The following ANKMY1 variants were observed in gnomAD, a reference collection of about 807,000 sequenced individuals.
The protein encoded by ANKMY1 is ankyrin repeat and MYND domain containing 1.
ANKMY1 carries 98 observed loss-of-function variants against 102.0 expected under a neutral mutation model. The ratio of observed to expected loss-of-function variants is 0.96; its 90% confidence interval spans 0.82 to 1.14. ANKMY1 has a LOEUF of 1.14. Among genes scored for constraint, ANKMY1 ranks in the 50% most tolerant of loss-of-function variants. ANKMY1 has a pLI of 0.00. For missense variants in ANKMY1, 1,330 were observed against 1,347.6 expected, an observed-to-expected ratio of 0.99 and a Z score of 0.20; for synonymous variants, 582 against 559.9, an observed-to-expected ratio of 1.04 and a Z score of -0.56.
At chr2:240,512,115 C>T (rs974471056) in intron 10 of ANKMY1, 114 bp from the exon 11 acceptor site, 7 of 1,293,300 alleles carry the variant, frequency 5.4e-6, no homozygotes, top group Middle Eastern at 1.9e-4. Context: ...TCTCACCCTG[C>T]GAAACCCTCT....
intron 8 of ANKMY1, among the ~76,000 whole-genome samples, chr2:240,521,715 G>A (rs1389209358): frequency 5.3e-5 from 8 of 151,952 alleles, no homozygotes; most frequent in African/African-American, 1.9e-4. Flanking sequence ...AGCCAGGATG[G>A]TCTCCATCTC....
chr2:240,525,901 G>C (rs1443863515), intron 6 of ANKMY1, 52 bp from the exon 7 acceptor site: 1 of 1,592,340 alleles, frequency 6.3e-7, no homozygotes, highest in Non-Finnish European at 8.6e-7. Flanking sequence ...CCTCAGGGGT[G>C]GGAAGGGTCA....
chr2:240,555,109 G>C, intron 2 of ANKMY1, 54 bp from the exon 3 acceptor site: 1 of 1,584,244 alleles, frequency 6.3e-7, no homozygotes, highest in Non-Finnish European at 8.6e-7. Context: ...AGTGCCTTCA[G>C]TGACTGCTGA....
At chr2:240,546,436 G>A (rs1312634151) in intron 4 of ANKMY1, among the ~76,000 whole-genome samples, 2 of 152,152 alleles carry the variant, frequency 1.3e-5, no homozygotes, top group East Asian at 3.8e-4. Flanking sequence ...TTGAGACTAG[G>A]AAGAAACTGC....
At chr2:240,492,506 T>C (rs898241532) in intron 15 of ANKMY1, among the ~76,000 whole-genome samples, 8 of 152,240 alleles carry the variant, frequency 5.3e-5, no homozygotes, top group Admixed American at 1.3e-4. Flanking sequence ...CTATCGTTGA[T>C]GCTTTCAAAT....
rs368853017 is a variant in ANKMY1 at position 240,554,842 on chromosome 2, C to T, written c.336+24G>A. Reference sequence around the variant, plus strand: ...CCACCAGAGGCCCTAGGGGAGGAGGCGGAGAAAGTGTGGAAGCAGTTACCT... The same window carrying T: ...CCACCAGAGGCCCTAGGGGAGGAGGTGGAGAAAGTGTGGAAGCAGTTACCT... On this transcript the variant is annotated intron_variant, in intron 3 of 17. Transcript: ENST00000401804. The T allele has an allele frequency of 5.1e-5, 83 of 1,612,352 alleles. No homozygotes were observed. In the African/African-American group the frequency reaches 5.9e-4, roughly 11 times the overall value.
At chr2:240,508,031 C>G (rs73105925) in intron 12 of ANKMY1, among the ~76,000 whole-genome samples, 36 of 152,382 alleles carry the variant, frequency 2.4e-4, no homozygotes, top group African/African-American at 8.4e-4. Flanking sequence ...CAGCCCCAGA[C>G]AGAGCCAAGC....
In ANKMY1 at chr2:240,520,681, CCA is replaced by C. The variant is rs1265422151; in HGVS notation, c.1833-150_1833-149del. On this transcript the variant is annotated intron_variant, in intron 8 of 17. Transcript: ENST00000401804. The surrounding 1 kb of genome is among the most constrained non-coding windows in gnomAD (Gnocchi z 4.8). The stretch of plus-strand genomic sequence containing the variant: ...ACACAATCACACACACAGCACACAC[CCA>C]CACACGCAGACACACCACACAGCAC... 1 of 1,016,030 alleles carries C rather than the reference CCA, an allele frequency of 9.8e-7. No individual in the cohort carries two copies. Among genetic ancestry groups the C allele is most frequent in the African/African-American group, 1.6e-5 (1 of 61,268 alleles). 62.9% of individuals were successfully genotyped at this position (1,016,030 alleles called of 1,614,324 possible). A position where few individuals can be genotyped will look rare whatever the true frequency, so the allele number is the denominator to read the frequency against.
chr2:240,521,708 C>G (rs531787363), intron 8 of ANKMY1, among the ~76,000 whole-genome samples: 1 of 152,142 alleles, frequency 6.6e-6, no homozygotes, highest in East Asian at 1.9e-4. Flanking sequence ...CCGTGTTAGC[C>G]AGGATGGTCT....
At chr2:240,485,135 T>A (rs868399497) in intron 15 of ANKMY1, among the ~76,000 whole-genome samples, 25 of 152,092 alleles carry the variant, frequency 1.6e-4, no homozygotes, top group South Asian at 1.5e-3. Flanking sequence ...AAGACCATCC[T>A]GGCTAACACA....
chr2:240,560,691 C>A, upstream of ANKMY1: 1 of 1,524,604 alleles, frequency 6.6e-7, no homozygotes, highest in Non-Finnish European at 8.7e-7. Context: ...CGCCATGGGA[C>A]CGGCAGAAGC....
chr2:240,557,753 G>T, intron 1 of ANKMY1, 128 bp downstream of exon 1: 2 of 467,034 alleles, frequency 4.3e-6, no homozygotes, highest in Non-Finnish European at 5.6e-6. Context: ...CTAACCCCAC[G>T]CCCCCAGCCC....
In ANKMY1 at chr2:240,557,326, C is replaced by T; in HGVS notation, c.10G>A (p.Ala4Thr). 6.4e-7 allele frequency: 1 copy of T among 1,566,374 alleles called. No individual in the cohort carries two copies. The highest frequency in any genetic ancestry group is 1.4e-5 in the African/African-American group (1 of 72,902). MEG[A>T]HASLSLEDEV... ...TCCTCTAAGCTAAGGGAGGCATGGG[C>T]CCCTTCCATGTCTGTGGTCTTCCAA... The change falls in exon 2 of 18, where the codon GCC (alanine) becomes ACC (threonine). Residue 4 changes from alanine (A) to threonine (T), a missense_variant. Physicochemically the swap from Ala to Thr is moderately conservative, Grantham distance 58. Transcript: ENST00000401804.
At chr2:240,513,083 C>T (rs1290258940) in intron 9 of ANKMY1, 141 bp from the exon 10 acceptor site, 2 of 1,221,710 alleles carry the variant, frequency 1.6e-6, no homozygotes, top group Non-Finnish European at 2.2e-6. Context: ...TCACAACGTG[C>T]AGGCTACTGG....
chr2:240,512,685 G>A, intron 10 of ANKMY1, 117 bp downstream of exon 10: 1 of 1,335,106 alleles, frequency 7.5e-7, no homozygotes. Flanking sequence ...CACTGCCCAG[G>A]CCCCAAGCCA....
chr2:240,554,764 G>A, intron 3 of ANKMY1, 102 bp downstream of exon 3: 1 of 1,370,240 alleles, frequency 7.3e-7, no homozygotes, highest in East Asian at 2.3e-5. Flanking sequence ...CACCCTTCCT[G>A]TTGATGGGCC....
chr2:240,485,461 T>C (rs2075942076), intron 15 of ANKMY1, among the ~76,000 whole-genome samples: 1 of 152,240 alleles, frequency 6.6e-6, no homozygotes. Flanking sequence ...AGTATGGTGA[T>C]TCCTCAAGGA....
chr2:240,542,815 A>G (rs1183956979), intron 4 of ANKMY1, among the ~76,000 whole-genome samples: 2 of 150,126 alleles, frequency 1.3e-5, no homozygotes, highest in Admixed American at 6.6e-5. Flanking sequence ...AATTAAGTAA[A>G]TAAGTCCAAG....
Position 240,526,676 on chromosome 2 carries a change from A to G in ANKMY1, c.954-231T>C, listed in dbSNP as rs547463441. On this transcript the variant is annotated intron_variant, in intron 5 of 17. Coordinates refer to ENST00000401804, the MANE Select transcript of ANKMY1 (RefSeq NM_001282771.3). ...ACCTGGAGGTCAAGATGCTTGGGCT[A>G]TATGTCTGTCCCGACAGGAATGTGC... 7.0e-6 allele frequency: 10 copies of G among 1,423,240 alleles called. No homozygotes were observed. The African/African-American group carries it at 1.2e-4, about 16-fold the overall frequency. The allele number at this position is 1,423,240 out of a possible 1,614,324, so 88.2% of individuals were successfully genotyped here.
Sources: gnomAD v4.1 joint callset for allele counts (sites outside exome capture counted in the v4.1 genomes callset) on GRCh38, gnomAD v4.1.1 for gene constraint, Gnocchi (gnomAD v3.1) non-coding constraint, MANE v1.5 for transcripts, NCBI Gene and HGNC (gene_info 2026-07-23, HGNC 2026-07-21) for gene names.